The following RNU5E-1 variants were observed in gnomAD, a reference collection of about 807,000 sequenced individuals.
RNU5E-1 encodes the protein RNA, U5E small nuclear 1.
At chr1:11,908,216 A>T (rs6684539) in exon 1 of RNU5E-1, 22 of 152,058 alleles carry the variant, frequency 1.4e-4, no homozygotes, top group South Asian at 4.1e-4. Context: ...CCGTGGAGAG[A>T]AACGAGTGTG....
At chr1:11,908,185 T>G (rs994632620) in exon 1 of RNU5E-1, 4 of 152,216 alleles carry the variant, frequency 2.6e-5, no homozygotes, top group Non-Finnish European at 5.9e-5. Flanking sequence ...GTATAAATCT[T>G]TCGCCTTTTA....
At chr1:11,908,209 T>A (rs571838046) in exon 1 of RNU5E-1, 2 of 152,146 alleles carry the variant, frequency 1.3e-5, no homozygotes, top group Non-Finnish European at 2.9e-5. Flanking sequence ...AAGATTTCCG[T>A]GGAGAGAAAC....
exon 1 of RNU5E-1, chr1:11,908,178 T>TA (rs1645393030): frequency 6.6e-6 from 1 of 152,162 alleles, no homozygotes; most frequent in South Asian, 2.1e-4. Flanking sequence ...TCAAATCGTA[T>TA]AAATCTTTCG....
At chr1:11,908,177 A>C (rs149129254) in exon 1 of RNU5E-1, 2 of 152,300 alleles carry the variant, frequency 1.3e-5, no homozygotes, top group East Asian at 3.9e-4. Flanking sequence ...TTCAAATCGT[A>C]TAAATCTTTC....
exon 1 of RNU5E-1, chr1:11,908,269 G>C (rs909078612): frequency 1.3e-5 from 2 of 152,148 alleles, no homozygotes; most frequent in Middle Eastern, 3.2e-3. Flanking sequence ...TCTTAGCAGG[G>C]CTTATTTTAA....
At chr1:11,908,168 T>A (rs1343163965) in exon 1 of RNU5E-1, 1 of 152,170 alleles carries the variant, frequency 6.6e-6, no homozygotes, top group Non-Finnish European at 1.5e-5. Context: ...TGGTTTCTCT[T>A]CAAATCGTAT....
rs116343286 is a variant in RNU5E-1 at position 11,908,248 on chromosome 1, G to A, written n.97G>A. 7.4e-3 allele frequency: 1,015 copies of A among 136,336 alleles called. 10 individuals carry two copies. Among genetic ancestry groups the A allele is most frequent in the African/African-American group, 0.022 (907 of 40,652 alleles). The allele number at this position is 136,336 out of a possible 1,614,324, so 8.4% of individuals were successfully genotyped here. A position where few individuals can be genotyped will look rare whatever the true frequency, so the allele number is the denominator to read the frequency against. On this transcript the variant is annotated non_coding_transcript_exon_variant, in exon 1 of 1. Transcript: ENST00000362477. ...TGTGAGTCTGAAACCAATTTTTTGAGGCCTTGCGTTTCTTAGCAGGGCTTA... is the reference window on the plus strand; with the variant it reads ...TGTGAGTCTGAAACCAATTTTTTGAAGCCTTGCGTTTCTTAGCAGGGCTTA...
chr1:11,908,269 GC>G (rs1645395777), exon 1 of RNU5E-1: 1 of 152,148 alleles, frequency 6.6e-6, no homozygotes, highest in Non-Finnish European at 1.5e-5. Flanking sequence ...TCTTAGCAGG[GC>G]TTATTTTAAG....
exon 1 of RNU5E-1, chr1:11,908,265 C>A (rs574998002): frequency 1.3e-5 from 2 of 151,988 alleles, no homozygotes; most frequent in African/African-American, 2.4e-5. Context: ...CGTTTCTTAG[C>A]AGGGCTTATT....
chr1:11,908,238 A>C (rs564063313), exon 1 of RNU5E-1: 3 of 143,492 alleles, frequency 2.1e-5, no homozygotes, highest in Non-Finnish European at 3.1e-5. Flanking sequence ...GTCTGAAACC[A>C]ATTTTTTGAG....
chr1:11,908,159 G>T (rs74761498), exon 1 of RNU5E-1: 4 of 152,052 alleles, frequency 2.6e-5, no homozygotes, highest in Non-Finnish European at 5.9e-5. Flanking sequence ...GTTATACTCT[G>T]GTTTCTCTTC....
chr1:11,908,176 T>TATAA (rs1553128599), exon 1 of RNU5E-1: 2 of 152,188 alleles, frequency 1.3e-5, no homozygotes, highest in Non-Finnish European at 2.9e-5. Context: ...CTTCAAATCG[T>TATAA]ATAAATCTTT....
exon 1 of RNU5E-1, chr1:11,908,236 C>G (rs1022439328): frequency 1.4e-4 from 21 of 145,814 alleles, no homozygotes; most frequent in African/African-American, 4.6e-4. Flanking sequence ...GAGTCTGAAA[C>G]CAATTTTTTG....
exon 1 of RNU5E-1, chr1:11,908,204 TTCCGTG>T (rs1173139280): frequency 6.6e-6 from 1 of 152,202 alleles, no homozygotes; most frequent in Non-Finnish European, 1.5e-5. Context: ...TACTAAAGAT[TTCCGTG>T]GAGAGAAACG....
chr1:11,908,201 G>T (rs186413843), exon 1 of RNU5E-1: 2 of 152,292 alleles, frequency 1.3e-5, no homozygotes, highest in African/African-American at 2.4e-5. Context: ...TTTTACTAAA[G>T]ATTTCCGTGG....
exon 1 of RNU5E-1, chr1:11,908,270 C>CTT: frequency 6.6e-6 from 1 of 152,190 alleles, no homozygotes; most frequent in African/African-American, 2.4e-5. Context: ...CTTAGCAGGG[C>CTT]TTATTTTAAG....
chr1:11,908,228 G>A (rs567266467), exon 1 of RNU5E-1: 23 of 151,146 alleles, frequency 1.5e-4, no homozygotes, highest in South Asian at 6.4e-4. Flanking sequence ...ACGAGTGTGA[G>A]TCTGAAACCA....
At chr1:11,908,237 C>CA (rs1419832639) in exon 1 of RNU5E-1, 3 of 145,372 alleles carry the variant, frequency 2.1e-5, no homozygotes, top group Non-Finnish European at 3.1e-5. Flanking sequence ...AGTCTGAAAC[C>CA]AATTTTTTGA....
chr1:11,908,199 A>C (rs914938734), exon 1 of RNU5E-1: 9 of 152,188 alleles, frequency 5.9e-5, no homozygotes, highest in African/African-American at 9.7e-5. Context: ...CCTTTTACTA[A>C]AGATTTCCGT....
Sources: gnomAD v4.1 joint callset for allele counts on GRCh38, gnomAD v4.1.1 for gene constraint, MANE v1.5 for transcripts, NCBI Gene and HGNC (gene_info 2026-07-23, HGNC 2026-07-21) for gene names.